KCNMB4: variants seen among roughly 807,000 people sequenced by gnomAD.
The protein encoded by KCNMB4 is potassium calcium-activated channel subfamily M regulatory beta subunit 4.
Under a neutral mutation model 20.7 loss-of-function variants are expected in KCNMB4, and 3 were observed. The observed-to-expected ratio is 0.14, with a 90% CI of 0.07 to 0.37. The LOEUF (loss-of-function observed/expected upper bound fraction) is 0.37, where lower values mean the gene tolerates loss of function less well. KCNMB4 is among the 10% of genes least tolerant of loss of function. The probability of loss-of-function intolerance (pLI) is 1.00; values close to 1 mark genes in which losing one functional copy is unlikely to be tolerated. For missense variants in KCNMB4, 168 were observed against 265.9 expected (o/e 0.63, Z 2.56); for synonymous variants, 110 against 113.4 (o/e 0.97, Z 0.19).
chr12:70,374,591 A>G (rs906468581), intron 1 of KCNMB4, among the ~76,000 whole-genome samples: 4 of 152,198 alleles, frequency 2.6e-5, no homozygotes, highest in Non-Finnish European at 5.9e-5. Context: ...TAATACTTGT[A>G]AATCATTGTG....
intron 1 of KCNMB4, among the ~76,000 whole-genome samples, chr12:70,370,556 C>T (rs1883574387): frequency 6.6e-6 from 1 of 152,036 alleles, no homozygotes; most frequent in African/African-American, 2.4e-5. Flanking sequence ...TCCACCCCTG[C>T]CTTGGCCTCC....
chr12:70,380,977 A>G (rs1051384828), intron 1 of KCNMB4, among the ~76,000 whole-genome samples: 2 of 152,254 alleles, frequency 1.3e-5, no homozygotes, highest in Non-Finnish European at 2.9e-5. Context: ...TGTAACAGAA[A>G]GAAAATATTT....
chr12:70,421,032 A>G (rs1869038381), intron 2 of KCNMB4, among the ~76,000 whole-genome samples: 2 of 148,282 alleles, frequency 1.3e-5, no homozygotes, highest in African/African-American at 2.5e-5. Context: ...AGCCTGGGCG[A>G]CGTAGCGAGA....
intron 2 of KCNMB4, among the ~76,000 whole-genome samples, chr12:70,418,642 C>T (rs1868972588): frequency 6.6e-6 from 1 of 152,168 alleles, no homozygotes; most frequent in Admixed American, 6.5e-5. Flanking sequence ...TTGTTGCCAT[C>T]TTGATTTTAT....
intron 2 of KCNMB4, among the ~76,000 whole-genome samples, chr12:70,414,708 A>G (rs1455534276): frequency 6.6e-6 from 1 of 152,198 alleles, no homozygotes; most frequent in African/African-American, 2.4e-5. Context: ...ACTTAATTAA[A>G]TTTGCTCTCC....
At chr12:70,368,085 G>A (rs1015018011) in intron 1 of KCNMB4, among the ~76,000 whole-genome samples, 1 of 151,998 alleles carries the variant, frequency 6.6e-6, no homozygotes, top group Non-Finnish European at 1.5e-5. Flanking sequence ...ACTATCAAAG[G>A]TATGTATCTT....
At chr12:70,392,084 A>C (rs1357221163) in intron 1 of KCNMB4, among the ~76,000 whole-genome samples, 1 of 152,182 alleles carries the variant, frequency 6.6e-6, no homozygotes, top group East Asian at 1.9e-4. Context: ...GTAATATTTC[A>C]TTGTATATAT....
chr12:70,427,003 T>A (rs538273644), intron 2 of KCNMB4, among the ~76,000 whole-genome samples: 1 of 152,310 alleles, frequency 6.6e-6, no homozygotes, highest in East Asian at 1.9e-4. Flanking sequence ...TTTTTTGAAG[T>A]CCCTAGATAT....
chr12:70,398,630 A>ATG lies in KCNMB4; in HGVS notation c.337-1578_337-1577insGT, dbSNP rs113645530. ...AAATTTACTAAAATTTATAATGTCT[A>ATG]TATTTTTTAAAAGTTTAAACACTGT... On this transcript the variant is annotated intron_variant, in intron 1 of 2. Coordinates refer to ENST00000258111, the MANE Select transcript of KCNMB4 (RefSeq NM_014505.6). 2.6e-5 allele frequency among the ~76,000 whole-genome samples: 4 copies of ATG among 152,120 alleles called. No individual in the cohort carries two copies. In the East Asian group the frequency reaches 7.7e-4, roughly 29 times the overall value.
chr12:70,372,045 A>T (rs572855261), intron 1 of KCNMB4, among the ~76,000 whole-genome samples: 4 of 152,326 alleles, frequency 2.6e-5, no homozygotes, highest in African/African-American at 9.6e-5. Context: ...ACATGAGGGG[A>T]TGAGCAGAGA....
At chr12:70,420,840 T>C (rs1197971449) in intron 2 of KCNMB4, among the ~76,000 whole-genome samples, 8 of 151,886 alleles carry the variant, frequency 5.3e-5, no homozygotes, top group Non-Finnish European at 1.0e-4. Flanking sequence ...GGGCGGATCA[T>C]GAGGTCAAGA....
At chr12:70,405,547 A>G (rs1476026855) in intron 2 of KCNMB4, among the ~76,000 whole-genome samples, 2 of 152,218 alleles carry the variant, frequency 1.3e-5, no homozygotes, top group African/African-American at 4.8e-5. Flanking sequence ...GGAATGCAAA[A>G]GGATGCAGCT....
chr12:70,376,564 A>G (rs897964773), intron 1 of KCNMB4, among the ~76,000 whole-genome samples: 3 of 152,110 alleles, frequency 2.0e-5, no homozygotes, highest in Non-Finnish European at 4.4e-5. Context: ...CAATCCTAAA[A>G]TGAAATTAAG....
In KCNMB4 at chr12:70,405,792, G is replaced by A. The variant is rs546292055; in HGVS notation, c.464+5456G>A. 7.2e-5 allele frequency among the ~76,000 whole-genome samples: 11 copies of A among 152,252 alleles called. No individual in the cohort carries two copies. The East Asian group carries it at 1.2e-3, about 16-fold the overall frequency. On this transcript the variant is annotated intron_variant, in intron 2 of 2. Coordinates refer to ENST00000258111, the MANE Select transcript of KCNMB4 (RefSeq NM_014505.6). ...GGATAAAGAATATGTGAAGCCAGGCGCAATGGTGATACCTGGGGTCTCAGC... is the reference window on the plus strand; with the variant it reads ...GGATAAAGAATATGTGAAGCCAGGCACAATGGTGATACCTGGGGTCTCAGC...
chr12:70,366,848 C>T lies in KCNMB4; in HGVS notation c.114C>T (p.Cys38=). 1 of 1,613,072 alleles carries T rather than the reference C, an allele frequency of 6.2e-7. No individual in the cohort carries two copies. Among genetic ancestry groups the T allele is most frequent in the Non-Finnish European group, 8.5e-7 (1 of 1,179,920 alleles). ...GVVSLFIFGF[C]WLSPALQDLQ... is the part of the protein sequence containing the mutation. The stretch of plus-strand genomic sequence containing the variant: ...TGTCGCTCTTCATCTTCGGCTTCTG[C>T]TGGCTGAGTCCCGCGCTGCAGGATC... The change falls in exon 1 of 3, where the codon TGC becomes TGT. Residue 38 remains cysteine (C), a synonymous_variant. Transcript: ENST00000258111.
chr12:70,399,313 T>A (rs75089154), intron 1 of KCNMB4, among the ~76,000 whole-genome samples: 3,414 of 152,232 alleles, frequency 0.022, 136 homozygotes, highest in African/African-American at 0.077. Context: ...CACCTAAGAG[T>A]AGAATGTGGT....
At chr12:70,427,184 T>C (rs1022798090) in intron 2 of KCNMB4, among the ~76,000 whole-genome samples, 2 of 152,216 alleles carry the variant, frequency 1.3e-5, no homozygotes, top group African/African-American at 4.8e-5. Flanking sequence ...GCAAATTGAA[T>C]TCTAAGCCCA....
At chr12:70,425,366 A>G (rs1292515693) in intron 2 of KCNMB4, among the ~76,000 whole-genome samples, 1 of 152,186 alleles carries the variant, frequency 6.6e-6, no homozygotes. Flanking sequence ...TAAACTCAGG[A>G]GGCAGAGCTT....
intron 1 of KCNMB4, among the ~76,000 whole-genome samples, chr12:70,372,434 A>G (rs1240219605): frequency 6.6e-6 from 1 of 152,212 alleles, no homozygotes; most frequent in Non-Finnish European, 1.5e-5. Flanking sequence ...TGCAGAGGCA[A>G]GACTTGAAAC....
Sources: allele counts gnomAD v4.1 joint callset (sites outside exome capture counted in the v4.1 genomes callset), GRCh38; gene constraint gnomAD v4.1.1; transcripts MANE v1.5; gene names NCBI Gene and HGNC (gene_info 2026-07-23, HGNC 2026-07-21).